Variants in ZNF821 observed in about 807,000 individuals in gnomAD.
The protein encoded by ZNF821 is zinc finger protein 821.
A neutral mutation model predicts 44.3 loss-of-function variants in ZNF821; 16 were observed. The observed-to-expected ratio is 0.36, with a 90% CI of 0.24 to 0.55. ZNF821 has a LOEUF of 0.55. ZNF821 is among the 20% of genes least tolerant of loss of function. The pLI, the probability that ZNF821 is intolerant of heterozygous loss-of-function variation, is 0.86. For synonymous variants in ZNF821, 204 were observed against 197.6 expected, an observed-to-expected ratio of 1.03 and a Z score of -0.27; for missense variants, 436 against 547.6, an observed-to-expected ratio of 0.80 and a Z score of 2.03.
rs1158891410 is a variant in ZNF821 at position 71,895,016 on chromosome 16, C to T, written n.321G>A. The T allele has an allele frequency of 7.1e-6, 4 of 560,958 alleles. No homozygotes were observed. In the Admixed American group the frequency reaches 1.3e-4, roughly 18 times the overall value. The allele number at this position is 560,958 out of a possible 1,614,324, so 34.7% of individuals were successfully genotyped here. On this transcript the variant is annotated non_coding_transcript_exon_variant, in exon 1 of 3. Coordinates refer to the ZNF821 transcript ENST00000561700. ...GGCTTAAAAGCGGGGCGGGGGAACG[C>T]TTAGAGCCCGTAGAGGGACACGGAG...
intron 3 of ZNF821, among the ~76,000 whole-genome samples, chr16:71,870,761 T>TG (rs2035106169): frequency 6.6e-6 from 1 of 152,230 alleles, no homozygotes; most frequent in Admixed American, 6.5e-5. Context: ...ATTACAAGCA[T>TG]GAGCCACTGT....
intron 1 of ZNF821, among the ~76,000 whole-genome samples, chr16:71,892,178 C>CAGA (rs2036889918): frequency 3.1e-5 from 1 of 31,940 alleles, no homozygotes; most frequent in Admixed American, 6.8e-4. Context: ...AACTCCGTCT[C>CAGA]AAAAAAAAAA....
At chr16:71,876,733 A>T (rs764424056) in intron 3 of ZNF821, among the ~76,000 whole-genome samples, 2 of 151,958 alleles carry the variant, frequency 1.3e-5, no homozygotes, top group Non-Finnish European at 2.9e-5. Flanking sequence ...TCTGTCTCCC[A>T]AGTAGCTGGC....
chr16:71,880,310 A>G (rs1171052869), intron 2 of ZNF821: 3 of 175,772 alleles, frequency 1.7e-5, no homozygotes, highest in Non-Finnish European at 3.6e-5. Flanking sequence ...TCACAGGATA[A>G]AAGAGGAAGT....
chr16:71,884,380 C>T (rs949347893), upstream of ZNF821, among the ~76,000 whole-genome samples: 7 of 152,022 alleles, frequency 4.6e-5, no homozygotes, highest in Non-Finnish European at 7.4e-5. Context: ...GGCTCCGGAA[C>T]CCCCCGCCTC....
At chr16:71,874,420 C>G (rs1046207486) in intron 3 of ZNF821, among the ~76,000 whole-genome samples, 3 of 152,040 alleles carry the variant, frequency 2.0e-5, no homozygotes, top group African/African-American at 7.2e-5. Flanking sequence ...CTTTCCTGCC[C>G]CCCAGACCTT....
chr16:71,867,952 T>C lies in ZNF821; in HGVS notation c.126A>G (p.Arg42=). ...GATCTCTTAGTTGTTGGATAGCTTG[T>C]CGCTGACTGCCAAGGTCTCCAGGAA... ...TDFPGDLGSQ[R]QAIQQLRDQD... is the part of the protein sequence containing the mutation. The change falls in exon 4 of 8, where the codon CGA becomes CGG. Residue 42 remains arginine, a synonymous_variant. Transcript: ENST00000425432. 1 of 1,536,094 alleles carries C rather than the reference T, an allele frequency of 6.5e-7. No homozygotes were observed. The highest frequency in any genetic ancestry group is 8.7e-7 in the Non-Finnish European group (1 of 1,146,892).
chr16:71,891,023 C>G (rs943033754), intron 1 of ZNF821, among the ~76,000 whole-genome samples: 1 of 151,742 alleles, frequency 6.6e-6, no homozygotes, highest in Admixed American at 6.6e-5. Context: ...ATCCGCCCGC[C>G]TCACCCTCCC....
rs578260221 is a variant in ZNF821, at chr16:71,892,986, C to G, written n.448+1903G>C. Reference sequence around the variant, plus strand: ...CCTCAAGTGATCCACCCACCTCGGCCTCTCAAAGTGCTGGGATTACAGGCA... The same window carrying G: ...CCTCAAGTGATCCACCCACCTCGGCGTCTCAAAGTGCTGGGATTACAGGCA... On this transcript the variant is annotated intron_variant and non_coding_transcript_variant, in intron 1 of 2. Transcript: ENST00000561700. Among the ~76,000 whole-genome samples, 126 of 145,224 alleles carry G rather than the reference C, an allele frequency of 8.7e-4. No homozygotes were observed. In the South Asian group the frequency reaches 9.8e-3, roughly 11 times the overall value.
chr16:71,872,948 T>C (rs1244426097), intron 3 of ZNF821, among the ~76,000 whole-genome samples: 1 of 152,234 alleles, frequency 6.6e-6, no homozygotes, highest in African/African-American at 2.4e-5. Context: ...ATTTGCTTAG[T>C]GGTTTGGTTA....
chr16:71,884,982 C>G (rs1373832984), upstream of ZNF821, among the ~76,000 whole-genome samples: 4 of 151,902 alleles, frequency 2.6e-5, no homozygotes, highest in African/African-American at 9.7e-5. Flanking sequence ...TTCAGCCTCC[C>G]GAGTAGCTGG....
upstream of ZNF821, chr16:71,884,224 T>TC (rs2036739751): frequency 6.6e-6 from 1 of 150,542 alleles, no homozygotes; most frequent in African/African-American, 2.5e-5. Context: ...CCTCTCCCCC[T>TC]CCCCCGCGCC....
At chr16:71,876,583 T>C (rs908037039) in intron 3 of ZNF821, among the ~76,000 whole-genome samples, 17 of 152,146 alleles carry the variant, frequency 1.1e-4, no homozygotes, top group Non-Finnish European at 2.2e-4. Context: ...AAATACTTCA[T>C]TTTTTTCTTT....
intron 6 of ZNF821, among the ~76,000 whole-genome samples, 179 bp downstream of exon 6, chr16:71,863,959 C>A (rs989848226): frequency 4.6e-5 from 7 of 152,148 alleles, no homozygotes; most frequent in Non-Finnish European, 1.0e-4. Flanking sequence ...CGGCTTCCCA[C>A]AGTGCTGGGA....
At chr16:71,874,438 T>C (rs1025959833) in intron 3 of ZNF821, among the ~76,000 whole-genome samples, 1 of 152,168 alleles carries the variant, frequency 6.6e-6, no homozygotes, top group African/African-American at 2.4e-5. Context: ...CTTGAGTCCA[T>C]TTCATTTACT....
At chr16:71,892,178 CAAAAAAAAAA>C (rs560376648) in intron 1 of ZNF821, among the ~76,000 whole-genome samples, 51 of 31,944 alleles carry the variant, frequency 1.6e-3, no homozygotes, top group South Asian at 7.3e-3. Context: ...AACTCCGTCT[CAAAAAAAAAA>C]AAAAAAAAAA....
At chr16:71,879,885 G>A in intron 3 of ZNF821, 22 bp downstream of exon 3, 1 of 1,609,998 alleles carries the variant, frequency 6.2e-7, no homozygotes, top group Non-Finnish European at 8.5e-7. Flanking sequence ...CCAGGTTCCA[G>A]AAGACAAAGC....
exon 1 of ZNF821, chr16:71,895,015 G>A (rs991913705): frequency 3.6e-5 from 20 of 562,910 alleles, no homozygotes; most frequent in Non-Finnish European, 6.2e-5. Flanking sequence ...GCGGGGGAAC[G>A]CTTAGAGCCC....
chr16:71,859,901 C>T lies in ZNF821; in HGVS notation c.*117G>A. ...CAGGTCCACCTGCAATAAACCCAGG[C>T]CTGCCTCTGGCAGCAAGGACAGGGC... is the stretch of plus-strand genomic sequence containing the variant. On this transcript the variant is annotated 3_prime_UTR_variant, in exon 8 of 8. Transcript: ENST00000425432. 4.1e-6 allele frequency: 5 copies of T among 1,217,896 alleles called. No individual in the cohort carries two copies. The highest frequency in any genetic ancestry group is 1.6e-5 in the South Asian group (1 of 63,016). The allele number at this position is 1,217,896 out of a possible 1,614,324, so 75.4% of individuals were successfully genotyped here. A position where few individuals can be genotyped will look rare whatever the true frequency, so the allele number is the denominator to read the frequency against.
Sources: allele counts gnomAD v4.1 joint callset (sites outside exome capture counted in the v4.1 genomes callset), GRCh38; gene constraint gnomAD v4.1.1; transcripts MANE v1.5; gene names NCBI Gene and HGNC (gene_info 2026-07-23, HGNC 2026-07-21).